The following PDSS2 variants were observed in gnomAD, a reference collection of about 807,000 sequenced individuals.
PDSS2 encodes the protein all trans-polyprenyl-diphosphate synthase PDSS2.
In PDSS2, 31 loss-of-function variants were observed where a neutral mutation model predicts 44.5. The ratio of observed to expected loss-of-function variants is 0.70; its 90% CI spans 0.52 to 0.94. The LOEUF (loss-of-function observed/expected upper bound fraction) is 0.94. Among genes scored for constraint, PDSS2 ranks in the 40% least tolerant of loss-of-function variants. The pLI, the probability that PDSS2 is intolerant of heterozygous loss-of-function variation, is 0.00. For synonymous variants in PDSS2, 157 were observed against 180.3 expected (o/e 0.87, Z 1.03); for missense variants, 452 against 482.2 (o/e 0.94, Z 0.59).
intron 3 of PDSS2, among the ~76,000 whole-genome samples, chr6:107,267,588 C>CT (rs55860139): frequency 0.069 from 9,183 of 132,316 alleles, 588 homozygotes; most frequent in African/African-American, 0.16. Flanking sequence ...GATTCTCTTT[C>CT]TTTTTTTTTT....
intron 7 of PDSS2, among the ~76,000 whole-genome samples, chr6:107,169,377 G>A (rs559521946): frequency 1.2e-4 from 18 of 152,106 alleles, no homozygotes; most frequent in South Asian, 8.3e-4. Flanking sequence ...TTAGCCATTC[G>A]TCTAATCTTT....
rs372341773 is a variant in PDSS2, at chr6:107,335,552, G to A, written c.297-1220C>T. Among the ~76,000 whole-genome samples the A allele has an allele frequency of 7.9e-5, 12 of 152,202 alleles. No homozygotes were observed. In the East Asian group the frequency reaches 1.7e-3, roughly 22 times the overall value. On this transcript the variant is annotated intron_variant, in intron 1 of 7. Transcript: ENST00000369037. ...TTACTTACAAACATTATAATTCTAG[G>A]CAACAACAAGGCTTTAACTTAGAAT...
intron 1 of PDSS2, among the ~76,000 whole-genome samples, chr6:107,346,485 T>G (rs1305237410): frequency 6.6e-6 from 1 of 152,252 alleles, no homozygotes; most frequent in African/African-American, 2.4e-5. Context: ...ATTTTGATTA[T>G]TCTTCTTCCT....
chr6:107,177,224 G>A (rs989192239), intron 7 of PDSS2, among the ~76,000 whole-genome samples: 4 of 150,966 alleles, frequency 2.6e-5, no homozygotes, highest in African/African-American at 9.7e-5. Context: ...TCTGCCTCTC[G>A]GGTTCAAGTG....
intron 1 of PDSS2, among the ~76,000 whole-genome samples, chr6:107,357,734 C>T (rs1778636961): frequency 6.6e-6 from 1 of 152,038 alleles, no homozygotes; most frequent in African/African-American, 2.4e-5. Context: ...TATTCTCTGG[C>T]AATTTTTTAC....
intron 4 of PDSS2, among the ~76,000 whole-genome samples, chr6:107,243,454 TG>T (rs1470076514): frequency 6.6e-6 from 1 of 152,186 alleles, no homozygotes; most frequent in Non-Finnish European, 1.5e-5. Flanking sequence ...AGTGGACAAA[TG>T]GTAAGAGTAG....
At chr6:107,362,056 C>CAAGCCTGAATAA in intron 1 of PDSS2, among the ~76,000 whole-genome samples, 1 of 152,350 alleles carries the variant, frequency 6.6e-6, no homozygotes, top group East Asian at 1.9e-4. Flanking sequence ...TGTGGCATCA[C>CAAGCCTGAATAA]AAGCCTGAAT....
intron 2 of PDSS2, among the ~76,000 whole-genome samples, chr6:107,311,533 GTT>G (rs916408485): frequency 6.6e-6 from 1 of 151,818 alleles, no homozygotes; most frequent in Non-Finnish European, 1.5e-5. Context: ...TTAATATTTT[GTT>G]TTTTTCTCCT....
chr6:107,427,841 T>C (rs1781054770), intron 1 of PDSS2, among the ~76,000 whole-genome samples: 1 of 152,260 alleles, frequency 6.6e-6, no homozygotes, highest in Non-Finnish European at 1.5e-5. Context: ...AGCCTACGTC[T>C]ACATTATTTC....
chr6:107,285,685 AT>A (rs753875839), intron 2 of PDSS2, among the ~76,000 whole-genome samples: 10 of 152,346 alleles, frequency 6.6e-5, no homozygotes, highest in Non-Finnish European at 1.2e-4. Context: ...TGAGAAAAAA[AT>A]GTTAGATCCC....
chr6:107,283,677 G>A (rs952454379), intron 2 of PDSS2, among the ~76,000 whole-genome samples: 18 of 151,150 alleles, frequency 1.2e-4, no homozygotes, highest in African/African-American at 1.9e-4. Context: ...CTGAGATCGC[G>A]CCATGGCACT....
chr6:107,445,851 T>C (rs879340650), intron 1 of PDSS2, among the ~76,000 whole-genome samples: 12 of 152,188 alleles, frequency 7.9e-5, no homozygotes, highest in Non-Finnish European at 1.3e-4. Flanking sequence ...ATGACTTGCC[T>C]GGGGATCACA....
At chr6:107,167,468 T>C (rs1171660492) in intron 7 of PDSS2, among the ~76,000 whole-genome samples, 1 of 152,216 alleles carries the variant, frequency 6.6e-6, no homozygotes, top group African/African-American at 2.4e-5. Context: ...TTTTTGTGTC[T>C]CTGTCTCCTT....
At chr6:107,291,664 C>T (rs888217140) in intron 2 of PDSS2, among the ~76,000 whole-genome samples, 2 of 151,518 alleles carry the variant, frequency 1.3e-5, no homozygotes, top group African/African-American at 2.4e-5. Context: ...CCATGCACAG[C>T]CTAGAATTCT....
rs9400114 is a variant in PDSS2, at chr6:107,393,391, T to C, written c.297-59059A>G. Among the ~76,000 whole-genome samples the C allele has an allele frequency of 7.8e-3, 1,193 of 152,150 alleles. 21 individuals carry two copies. The highest frequency in any genetic ancestry group is 0.025 in the African/African-American group (1,055 of 41,538). ...ATTCTGTGATTTCAAAACTTTTAAA[T>C]TATTGAGACTTTAAAAATATCACCC... On this transcript the variant is annotated intron_variant, in intron 1 of 7. Coordinates refer to ENST00000369037, the MANE Select transcript of PDSS2 (RefSeq NM_020381.4).
At chr6:107,191,718 C>T (rs571412994) in intron 7 of PDSS2, among the ~76,000 whole-genome samples, 1 of 152,282 alleles carries the variant, frequency 6.6e-6, no homozygotes, top group African/African-American at 2.4e-5. Context: ...TTAAGCAATC[C>T]TCCCATCTCA....
At chr6:107,254,793 A>G (rs1017634067) in intron 3 of PDSS2, among the ~76,000 whole-genome samples, 1 of 152,228 alleles carries the variant, frequency 6.6e-6, no homozygotes, top group Non-Finnish European at 1.5e-5. Context: ...GTTGTTGGCT[A>G]GCACACTGCC....
chr6:107,459,518 A>G lies in PDSS2; in HGVS notation c.-233T>C. ...AGCACTGCCCCCGGCCACCCGGGGT[A>G]GAAACCACAGCCACTGCCTATGTGG... On this transcript the variant is annotated 5_prime_UTR_variant, in exon 1 of 8. Transcript: ENST00000369037. The surrounding 1 kb of genome is among the most constrained non-coding windows in gnomAD (Gnocchi z 4.3). The G allele has an allele frequency of 1.7e-6, 1 of 573,386 alleles. No individual in the cohort carries two copies. Among genetic ancestry groups the G allele is most frequent in the African/African-American group, 1.9e-5 (1 of 53,434 alleles). The allele number at this position is 573,386 out of a possible 1,614,324, so 35.5% of individuals were successfully genotyped here.
At chr6:107,454,681 C>G (rs1438746010) in intron 1 of PDSS2, among the ~76,000 whole-genome samples, 2 of 151,328 alleles carry the variant, frequency 1.3e-5, no homozygotes, top group Non-Finnish European at 2.9e-5. Context: ...TCACCATTCA[C>G]GTAAACTTTA....
Sources: gnomAD v4.1 joint callset for allele counts (sites outside exome capture counted in the v4.1 genomes callset) on GRCh38, gnomAD v4.1.1 for gene constraint, Gnocchi (gnomAD v3.1) non-coding constraint, MANE v1.5 for transcripts, NCBI Gene and HGNC (gene_info 2026-07-23, HGNC 2026-07-21) for gene names.